Variants in NRG1 observed in about 807,000 individuals in gnomAD.
NRG1 encodes the protein neuregulin 1.
In NRG1, 18 loss-of-function variants were observed where a neutral mutation model predicts 63.8. The observed-to-expected ratio is 0.28, with a 90% CI of 0.19 to 0.42. The LOEUF (loss-of-function observed/expected upper bound fraction) is 0.42, where lower values mean the gene tolerates loss of function less well. Ranked by LOEUF, NRG1 falls within the 10% of genes least tolerant of loss-of-function variation. The pLI is 1.00. For missense variants in NRG1, 762 were observed against 814.7 expected, an observed-to-expected ratio of 0.94 and a Z score of 0.79; for synonymous variants, 302 against 301.3, an observed-to-expected ratio of 1.00 and a Z score of -0.02.
chr8:31,940,692 C>T (rs892523299), intron 1 of NRG1, among the ~76,000 whole-genome samples: 25 of 151,864 alleles, frequency 1.6e-4, no homozygotes, highest in East Asian at 5.8e-4. Flanking sequence ...TCCAAATAAT[C>T]GTAATTAGAA....
chr8:32,418,707 T>C (rs1445404078), intron 1 of NRG1, among the ~76,000 whole-genome samples: 3 of 152,154 alleles, frequency 2.0e-5, no homozygotes, highest in African/African-American at 7.2e-5. Flanking sequence ...CAAATAATTA[T>C]TGCTAAAGTA....
At chr8:32,084,584 C>T (rs915323404) in intron 1 of NRG1, among the ~76,000 whole-genome samples, 1 of 152,090 alleles carries the variant, frequency 6.6e-6, no homozygotes, top group African/African-American at 2.4e-5. Flanking sequence ...TTAAGAGATG[C>T]CATGTGTTAC....
At chr8:31,947,236 C>T (rs1802698441) in intron 1 of NRG1, among the ~76,000 whole-genome samples, 1 of 148,328 alleles carries the variant, frequency 6.7e-6, no homozygotes, top group Non-Finnish European at 1.5e-5. Context: ...GGAAGCGGAG[C>T]TTGCAGTGAG....
chr8:32,183,375 T>A (rs770835220), intron 1 of NRG1, among the ~76,000 whole-genome samples: 4 of 152,240 alleles, frequency 2.6e-5, no homozygotes, highest in Non-Finnish European at 5.9e-5. Flanking sequence ...TCCTCTCTTT[T>A]TTGGTTCTAA....
intron 1 of NRG1, among the ~76,000 whole-genome samples, chr8:32,251,900 A>AT (rs1469779775): frequency 1.4e-5 from 1 of 73,596 alleles, no homozygotes; most frequent in Admixed American, 1.8e-4. Context: ...TAGCTGCATA[A>AT]TGTCATTTCT....
intron 1 of NRG1, among the ~76,000 whole-genome samples, chr8:32,247,021 T>A (rs981321599): frequency 1.3e-5 from 2 of 152,102 alleles, no homozygotes; most frequent in African/African-American, 2.4e-5. Flanking sequence ...TGGCTCAATT[T>A]AATTATTCCA....
At position 32,051,141 on chromosome 8, in the gene NRG1, A is replaced by G. The variant is rs112707335; in HGVS notation, c.37+411710A>G. Among the ~76,000 whole-genome samples, 838 of 152,220 alleles carry G rather than the reference A, an allele frequency of 5.5e-3. 4 individuals are homozygous for G. Among genetic ancestry groups the G allele is most frequent in the African/African-American group, 0.019 (780 of 41,544 alleles). On this transcript the variant is annotated intron_variant, in intron 1 of 10. Coordinates refer to the NRG1 transcript ENST00000519301. ...AGGAGATGCTCTTGTGTTTCACCCA[A>G]ATATTTGTTTCTCATTTTTTTTAAT...
chr8:32,718,071 A>G (rs557486238), intron 5 of NRG1, among the ~76,000 whole-genome samples: 1 of 152,328 alleles, frequency 6.6e-6, no homozygotes, highest in Non-Finnish European at 1.5e-5. Context: ...GGGATCCTTT[A>G]TATCAACAGA....
At chr8:32,004,550 G>A (rs182251842) in intron 1 of NRG1, among the ~76,000 whole-genome samples, 1 of 151,712 alleles carries the variant, frequency 6.6e-6, no homozygotes, top group Admixed American at 6.6e-5. Flanking sequence ...TGTGCTTTTG[G>A]TTCAACTTTT....
At chr8:31,855,207 T>C (rs1404195426) in intron 1 of NRG1, among the ~76,000 whole-genome samples, 2 of 152,122 alleles carry the variant, frequency 1.3e-5, no homozygotes, top group Non-Finnish European at 2.9e-5. Flanking sequence ...ATGTTAACAG[T>C]GGGGTGTTAA....
intron 1 of NRG1, among the ~76,000 whole-genome samples, chr8:32,086,870 T>G (rs535846401): frequency 2.0e-5 from 3 of 152,340 alleles, no homozygotes; most frequent in Admixed American, 2.0e-4. Context: ...TTCTTGAAGT[T>G]TTTTACATTA....
At chr8:32,402,625 T>C (rs1463261431) in intron 1 of NRG1, among the ~76,000 whole-genome samples, 1 of 152,088 alleles carries the variant, frequency 6.6e-6, no homozygotes, top group Non-Finnish European at 1.5e-5. Flanking sequence ...ATGGGGGTGC[T>C]TGTGTTGAAG....
intron 3 of NRG1, among the ~76,000 whole-genome samples, chr8:32,611,851 A>G (rs79622257): frequency 0.17 from 25,564 of 150,004 alleles, 2,574 homozygotes; most frequent in South Asian, 0.23. Context: ...GCATATGTGT[A>G]TTTTGCTACA....
chr8:32,300,337 TATC>T (rs1855443426), intron 1 of NRG1, among the ~76,000 whole-genome samples: 2 of 152,250 alleles, frequency 1.3e-5, no homozygotes, highest in South Asian at 4.1e-4. Flanking sequence ...AGCCAAATTT[TATC>T]TTCTTAATTG....
intron 1 of NRG1, among the ~76,000 whole-genome samples, chr8:32,457,567 T>G (rs1482564214): frequency 6.6e-6 from 1 of 152,216 alleles, no homozygotes; most frequent in African/African-American, 2.4e-5. Flanking sequence ...TTAATATGAT[T>G]CCTCTTAGCA....
chr8:32,345,955 C>A (rs767952621), intron 1 of NRG1, among the ~76,000 whole-genome samples: 1 of 151,524 alleles, frequency 6.6e-6, no homozygotes, highest in South Asian at 2.1e-4. Context: ...TTGCAGTGAG[C>A]CAAGATGGCA....
intron 1 of NRG1, among the ~76,000 whole-genome samples, chr8:32,559,499 T>C (rs1835929999): frequency 6.6e-6 from 1 of 152,180 alleles, no homozygotes; most frequent in Non-Finnish European, 1.5e-5. Context: ...GTATGTGATA[T>C]ACATATGCAT....
chr8:32,284,485 GCCTGCCTT>G (rs1392338772), intron 1 of NRG1, among the ~76,000 whole-genome samples: 194 of 116,092 alleles, frequency 1.7e-3, no homozygotes, highest in Admixed American at 7.3e-3. Context: ...CTCCCTGCCT[GCCTGCCTT>G]CCTTCCTTCC....
At chr8:31,776,027 G>A (rs1223683733) in intron 1 of NRG1, among the ~76,000 whole-genome samples, 1 of 151,982 alleles carries the variant, frequency 6.6e-6, no homozygotes, top group Non-Finnish European at 1.5e-5. Context: ...AGTTTGTTAG[G>A]AGCACTAAAT....
Sources: gnomAD v4.1 joint callset for allele counts (sites outside exome capture counted in the v4.1 genomes callset) on GRCh38, gnomAD v4.1.1 for gene constraint, MANE v1.5 for transcripts, NCBI Gene and HGNC (gene_info 2026-07-23, HGNC 2026-07-21) for gene names.